The following ACTR2 variants were observed in gnomAD, a reference collection of about 807,000 sequenced individuals.
ACTR2 encodes the protein actin related protein 2, also known as actin-related protein 2.
In ACTR2, 5 loss-of-function variants were observed where a neutral mutation model predicts 50.2. The observed-to-expected ratio is 0.10, with a 90% CI of 0.05 to 0.21. ACTR2 has a LOEUF of 0.21. Among genes scored for constraint, ACTR2 ranks in the 10% least tolerant of loss-of-function variants. ACTR2 has a pLI of 1.00. For synonymous variants in ACTR2, 140 were observed against 162.9 expected, an observed-to-expected ratio of 0.86 and a Z score of 1.07; for missense variants, 180 against 480.6, an observed-to-expected ratio of 0.37 and a Z score of 5.85.
intron 4 of ACTR2, among the ~76,000 whole-genome samples, chr2:65,251,778 T>A (rs1325704825): frequency 6.6e-6 from 1 of 152,188 alleles, no homozygotes; most frequent in Non-Finnish European, 1.5e-5. Context: ...TATAGTAGAT[T>A]AAAAAGGAGA....
intron 2 of ACTR2, among the ~76,000 whole-genome samples, chr2:65,241,393 T>C (rs914890861): frequency 6.6e-6 from 1 of 152,204 alleles, no homozygotes; most frequent in Non-Finnish European, 1.5e-5. Context: ...CATGCCCACT[T>C]TCTTCGTGTT....
intron 1 of ACTR2, among the ~76,000 whole-genome samples, chr2:65,235,719 C>G (rs973264412): frequency 6.6e-6 from 1 of 152,106 alleles, no homozygotes; most frequent in Non-Finnish European, 1.5e-5. Context: ...CACGCCACTG[C>G]ACTCCAGCCT....
At chr2:65,234,279 A>G (rs185540705) in intron 1 of ACTR2, among the ~76,000 whole-genome samples, 57 of 152,272 alleles carry the variant, frequency 3.7e-4, no homozygotes, top group Middle Eastern at 6.8e-3. Context: ...AAATAGTGCA[A>G]TTTTTGCTAT....
At chr2:65,238,240 TC>T (rs1363591768) in intron 1 of ACTR2, among the ~76,000 whole-genome samples, 1 of 152,214 alleles carries the variant, frequency 6.6e-6, no homozygotes, top group African/African-American at 2.4e-5. Flanking sequence ...TGTAGTTAAA[TC>T]CTGTAGAATA....
At chr2:65,262,733 G>C (rs1672292103) in intron 7 of ACTR2, among the ~76,000 whole-genome samples, 1 of 152,016 alleles carries the variant, frequency 6.6e-6, no homozygotes, top group African/African-American at 2.4e-5. Context: ...GAGGTGGGAG[G>C]TTTGCTTAAG....
intron 1 of ACTR2, among the ~76,000 whole-genome samples, chr2:65,229,292 A>G (rs547751062): frequency 2.0e-5 from 3 of 152,208 alleles, no homozygotes; most frequent in Non-Finnish European, 2.9e-5. Context: ...ATTAAAGTTC[A>G]TTTTACTTGA....
Position 65,265,151 on chromosome 2 carries a change from G to A in ACTR2, c.990G>A (p.Leu330=). ...ELKQLYLERV[L]KGDVEKLSKF... is the part of the protein sequence containing the mutation. ...AACAGCTTTACTTAGAACGAGTTTT[G>A]AAGGGTGATGTGGAAAAACTTTCTG... The change falls in exon 8 of 9, where the codon TTG becomes TTA. Residue 330 remains leucine (L), a synonymous_variant. Coordinates refer to ENST00000260641, the MANE Select transcript of ACTR2 (RefSeq NM_005722.4). 1 of 1,614,184 alleles carries A rather than the reference G, an allele frequency of 6.2e-7. No homozygotes were observed. Among genetic ancestry groups the A allele is most frequent in the Non-Finnish European group, 8.5e-7 (1 of 1,180,040 alleles).
intron 1 of ACTR2, among the ~76,000 whole-genome samples, chr2:65,230,611 A>G (rs971174330): frequency 2.0e-5 from 3 of 151,522 alleles, no homozygotes; most frequent in African/African-American, 7.3e-5. Flanking sequence ...GGGTCTCCCT[A>G]TGTTACCCAG....
chr2:65,233,925 CA>C (rs2103981969), intron 1 of ACTR2, among the ~76,000 whole-genome samples: 1 of 149,430 alleles, frequency 6.7e-6, no homozygotes, highest in East Asian at 2.0e-4. Flanking sequence ...TTTTTCCTGA[CA>C]GGGTCTCACT....
intron 4 of ACTR2, 31 bp downstream of exon 4, chr2:65,251,130 C>T (rs1165776256): frequency 2.1e-6 from 3 of 1,456,762 alleles, no homozygotes; most frequent in African/African-American, 2.9e-5. Flanking sequence ...AGAAAAAACA[C>T]TTCATCAAAC....
Position 65,268,756 on chromosome 2 carries a change from A to T in ACTR2, c.*22A>T. 3 of 1,606,510 alleles carry T rather than the reference A, an allele frequency of 1.9e-6. No homozygotes were observed. Among genetic ancestry groups the T allele is most frequent in the Non-Finnish European group, 2.6e-6 (3 of 1,176,224 alleles). On this transcript the variant is annotated 3_prime_UTR_variant, in exon 9 of 9. Transcript: ENST00000260641. Reference sequence around the variant, plus strand: ...ATAAACTCCAAAGCTTGTTCCCGTCATACCCGTAATGCTTTCTTTTTTCCT... The same window carrying T: ...ATAAACTCCAAAGCTTGTTCCCGTCTTACCCGTAATGCTTTCTTTTTTCCT...
chr2:65,235,933 T>G (rs1020962697), intron 1 of ACTR2, among the ~76,000 whole-genome samples: 1 of 152,076 alleles, frequency 6.6e-6, no homozygotes, highest in African/African-American at 2.4e-5. Flanking sequence ...AATGTAAACA[T>G]GAGGTGAAAG....
At chr2:65,231,255 G>C (rs1398506537) in intron 1 of ACTR2, among the ~76,000 whole-genome samples, 1 of 152,092 alleles carries the variant, frequency 6.6e-6, no homozygotes, top group Non-Finnish European at 1.5e-5. Context: ...GACATGATTG[G>C]TTTCAAATGA....
At chr2:65,231,527 T>G (rs1165583527) in intron 1 of ACTR2, among the ~76,000 whole-genome samples, 1 of 152,234 alleles carries the variant, frequency 6.6e-6, no homozygotes, top group Admixed American at 6.5e-5. Flanking sequence ...GCTCCTTACA[T>G]GCCTTAGGTT....
chr2:65,251,019 A>T lies in ACTR2; in HGVS notation c.376-8A>T, dbSNP rs780995860. 6.3e-7 allele frequency: 1 copy of T among 1,586,994 alleles called. No homozygotes were observed. On this transcript the variant is annotated splice_region_variant and splice_polypyrimidine_tract_variant and intron_variant, in intron 3 of 8. Transcript: ENST00000260641. ...TACCAGTTTTTTTCTTTCTGTCTGCATTTACAGGTAATGTTTGAAACTTAC... is the reference window on the plus strand; with the variant it reads ...TACCAGTTTTTTTCTTTCTGTCTGCTTTTACAGGTAATGTTTGAAACTTAC...
At chr2:65,233,944 C>G (rs183885385) in intron 1 of ACTR2, among the ~76,000 whole-genome samples, 1 of 151,552 alleles carries the variant, frequency 6.6e-6, no homozygotes, top group Non-Finnish European at 1.5e-5. Context: ...ACTCTGTTGC[C>G]TAGGTGGGAG....
chr2:65,260,233 C>T (rs928986730), intron 6 of ACTR2, among the ~76,000 whole-genome samples: 1 of 152,152 alleles, frequency 6.6e-6, no homozygotes, highest in East Asian at 1.9e-4. Flanking sequence ...TGTGGCTAGG[C>T]GCAGTGGTTC....
chr2:65,236,874 G>C (rs1573149189), intron 1 of ACTR2, among the ~76,000 whole-genome samples: 1 of 152,016 alleles, frequency 6.6e-6, no homozygotes, highest in Non-Finnish European at 1.5e-5. Flanking sequence ...GCTCTTTTCT[G>C]TCTACCTTTG....
chr2:65,239,857 G>A lies in ACTR2; in HGVS notation c.54G>A (p.Val18=). ...VVVCDNGTGF[V]KCGYAGSNFP... ...ATTTTACTGTTTCATTCCAGTTTGT[G>A]AAGTGTGGATATGCAGGCTCTAACT... The change falls in exon 2 of 9, where the codon GTG becomes GTA. Residue 18 remains valine, a synonymous_variant. Transcript: ENST00000260641. 8.7e-6 allele frequency: 14 copies of A among 1,602,940 alleles called. No homozygotes were observed. The highest frequency in any genetic ancestry group is 1.2e-5 in the Non-Finnish European group (14 of 1,170,804).
Sources: gnomAD v4.1 joint callset for allele counts (sites outside exome capture counted in the v4.1 genomes callset) on GRCh38, gnomAD v4.1.1 for gene constraint, MANE v1.5 for transcripts, NCBI Gene and HGNC (gene_info 2026-07-23, HGNC 2026-07-21) for gene names.